The following ZBTB7A variants were observed in gnomAD, a reference collection of about 807,000 sequenced individuals.
ZBTB7A encodes zinc finger and BTB domain containing 7A, also known as zinc finger and BTB domain-containing protein 7A.
ZBTB7A carries 7 observed loss-of-function variants against 26.7 expected under a neutral mutation model. That is an observed-to-expected ratio of 0.26 (90% CI 0.15 to 0.49). The LOEUF (loss-of-function observed/expected upper bound fraction) is 0.49, where lower values mean the gene tolerates loss of function less well. Among genes scored for constraint, ZBTB7A ranks in the 20% least tolerant of loss-of-function variants. The probability of loss-of-function intolerance (pLI) is 0.98; values close to 1 mark genes in which losing one functional copy is unlikely to be tolerated. For missense variants in ZBTB7A, 617 were observed against 919.5 expected (o/e 0.67, Z 4.25); for synonymous variants, 452 against 441.0 (o/e 1.02, Z -0.31).
At chr19:4,065,365 CGCAGCG>C (rs2040684077) in intron 1 of ZBTB7A, 5 of 145,178 alleles carry the variant, frequency 3.4e-5, no homozygotes, top group Non-Finnish European at 7.7e-5. Flanking sequence ...CCGCCCCGGC[CGCAGCG>C]CGCGGCCCCC....
At position 4,045,626 on chromosome 19, in the gene ZBTB7A, CG is replaced by C; in HGVS notation, c.*2125del. The stretch of plus-strand genomic sequence containing the variant: ...CACAGAGAAGGGGGTATGGGGGGGT[CG>C]GGGGCAGGGAGACACCCCCCCGCCG... On this transcript the variant is annotated 3_prime_UTR_variant, in exon 3 of 3. Transcript: ENST00000322357. This position sits in a 1 kb window ranked among gnomAD's most constrained non-coding sequence, Gnocchi z 4.1. 1.6e-5 allele frequency: 5 copies of C among 304,658 alleles called. No individual in the cohort carries two copies. Among genetic ancestry groups the C allele is most frequent in the Middle Eastern group, 7.9e-4 (1 of 1,266 alleles). 18.9% of individuals were successfully genotyped at this position (304,658 alleles called of 1,614,324 possible).
rs1321846053 is a variant in ZBTB7A at position 4,053,150 on chromosome 19, G to A, written c.1262+821C>T. On this transcript the variant is annotated intron_variant, in intron 2 of 2. Coordinates refer to ENST00000322357, the MANE Select transcript of ZBTB7A (RefSeq NM_015898.4). ...AGAGAAGAACCAGCCCTCCAGGAAGGAAGAACGACTGTGCCTTCCCGCCCA... is the reference window on the plus strand; with the variant it reads ...AGAGAAGAACCAGCCCTCCAGGAAGAAAGAACGACTGTGCCTTCCCGCCCA... Among the ~76,000 whole-genome samples the A allele has an allele frequency of 2.0e-5, 3 of 152,198 alleles. No homozygotes were observed. In the East Asian group the frequency reaches 5.8e-4, roughly 29 times the overall value.
intron 1 of ZBTB7A, among the ~76,000 whole-genome samples, chr19:4,064,131 A>G (rs565483492): frequency 6.6e-6 from 1 of 152,312 alleles, no homozygotes; most frequent in East Asian, 1.9e-4. Context: ...GGACCCATCC[A>G]CTGCCTGCGG....
At chr19:4,066,073 C>A (rs2040693230) in intron 1 of ZBTB7A, among the ~76,000 whole-genome samples, 1 of 150,584 alleles carries the variant, frequency 6.6e-6, no homozygotes, top group East Asian at 2.0e-4. Flanking sequence ...CCGCTTGCCA[C>A]CTGCCGGCTG....
intron 1 of ZBTB7A, among the ~76,000 whole-genome samples, chr19:4,059,489 G>A (rs753037807): frequency 1.3e-5 from 2 of 152,156 alleles, no homozygotes; most frequent in Non-Finnish European, 2.9e-5. Flanking sequence ...CCGGGGTGAT[G>A]TCAGCCAAGG....
intron 1 of ZBTB7A, among the ~76,000 whole-genome samples, chr19:4,058,302 C>T (rs1033977699): frequency 2.0e-5 from 3 of 152,236 alleles, no homozygotes; most frequent in African/African-American, 7.2e-5. Flanking sequence ...CTCTCAGCCA[C>T]CCCAGCTGAG....
chr19:4,048,671 A>G lies in ZBTB7A; in HGVS notation c.1263-427T>C, dbSNP rs2040455903. Among the ~76,000 whole-genome samples the G allele has an allele frequency of 7.0e-6, 1 of 142,342 alleles. No individual in the cohort carries two copies. 93.4% of individuals were successfully genotyped at this position (142,342 alleles called of 152,430 possible). A position where few individuals can be genotyped will look rare whatever the true frequency, so the allele number is the denominator to read the frequency against. On this transcript the variant is annotated intron_variant, in intron 2 of 2. Coordinates refer to ENST00000322357, the MANE Select transcript of ZBTB7A (RefSeq NM_015898.4). This position sits in a 1 kb window ranked among gnomAD's most constrained non-coding sequence, Gnocchi z 6.7. ...CACGGTGAAACCCTGTCTCTACTAA[A>G]AAAACAAAAAACAAAAAAACAAAAA... is the stretch of plus-strand genomic sequence containing the variant.
intron 1 of ZBTB7A, among the ~76,000 whole-genome samples, chr19:4,058,232 C>T (rs2040602595): frequency 6.6e-6 from 1 of 152,194 alleles, no homozygotes; most frequent in Non-Finnish European, 1.5e-5. Flanking sequence ...AGCAGGGAGC[C>T]GGGGGAACCC....
At chr19:4,059,977 A>T (rs1455021654) in intron 1 of ZBTB7A, among the ~76,000 whole-genome samples, 1 of 151,906 alleles carries the variant, frequency 6.6e-6, no homozygotes, top group African/African-American at 2.4e-5. Context: ...TCCTCCAGGA[A>T]GCCCCGGCCC....
rs370788752 is a variant in ZBTB7A, at chr19:4,043,520, C to G, written c.*4232G>C. Among the ~76,000 whole-genome samples the G allele has an allele frequency of 6.6e-5, 10 of 150,554 alleles. No homozygotes were observed. In the South Asian group the frequency reaches 2.1e-3, roughly 32 times the overall value. ...TCAATACAGTCTCTGGAATGTCTAT[C>G]TGTCTGTGCTCTGTACCCTGAGGGC... is the stretch of plus-strand genomic sequence containing the variant. On this transcript the variant is annotated 3_prime_UTR_variant, in exon 3 of 3. Coordinates refer to ENST00000322357, the MANE Select transcript of ZBTB7A (RefSeq NM_015898.4).
rs982734923 is a variant in ZBTB7A at position 4,048,317 on chromosome 19, G to A, written c.1263-73C>T. Reference sequence around the variant, plus strand: ...CCGATCCCCGCCCAGGGACCCTCACGGACACGGCAGGCCCTGGATCATCAC... The same window carrying A: ...CCGATCCCCGCCCAGGGACCCTCACAGACACGGCAGGCCCTGGATCATCAC... On this transcript the variant is annotated intron_variant, in intron 2 of 2. Coordinates refer to ENST00000322357, the MANE Select transcript of ZBTB7A (RefSeq NM_015898.4). This position sits in a 1 kb window ranked among gnomAD's most constrained non-coding sequence, Gnocchi z 6.7. 9 of 1,466,172 alleles carry A rather than the reference G, an allele frequency of 6.1e-6. No homozygotes were observed. In the Admixed American group the frequency reaches 8.4e-5, roughly 14 times the overall value. The allele number at this position is 1,466,172 out of a possible 1,614,324, so 90.8% of individuals were successfully genotyped here. A position where few individuals can be genotyped will look rare whatever the true frequency, so the allele number is the denominator to read the frequency against.
intron 2 of ZBTB7A, among the ~76,000 whole-genome samples, chr19:4,053,555 G>A (rs564088874): frequency 1.3e-4 from 20 of 151,248 alleles, no homozygotes; most frequent in African/African-American, 4.9e-4. Flanking sequence ...TGTGTATGTG[G>A]TGTGCGTGTG....
rs1599241638 is a variant in ZBTB7A at position 4,043,716 on chromosome 19, C to A, written c.*4036G>T. ...TCCCTGGCCCCCTCCACCCCCTGGG[C>A]CCGGCCCCCCCCCCCCCCCCCCGTA... On this transcript the variant is annotated 3_prime_UTR_variant, in exon 3 of 3. Coordinates refer to ENST00000322357, the MANE Select transcript of ZBTB7A (RefSeq NM_015898.4). Among the ~76,000 whole-genome samples the A allele has an allele frequency of 2.5e-5, 1 of 39,524 alleles. No homozygotes were observed. The highest frequency in any genetic ancestry group is 1.3e-4 in the African/African-American group (1 of 7,828). The allele number at this position is 39,524 out of a possible 152,430, so 25.9% of individuals were successfully genotyped here.
chr19:4,065,821 G>A (rs1264152537), intron 1 of ZBTB7A: 1 of 141,838 alleles, frequency 7.1e-6, no homozygotes. Flanking sequence ...CCGGGGCGGG[G>A]AGGGGGCCGG....
intron 1 of ZBTB7A, among the ~76,000 whole-genome samples, chr19:4,057,049 A>G (rs977385909): frequency 7.4e-5 from 11 of 149,604 alleles, no homozygotes; most frequent in African/African-American, 2.5e-4. Flanking sequence ...AAAGAAAAAG[A>G]AAAAGAAAAA....
chr19:4,051,599 A>G (rs1483776731), intron 2 of ZBTB7A, among the ~76,000 whole-genome samples: 2 of 152,222 alleles, frequency 1.3e-5, no homozygotes, highest in East Asian at 3.9e-4. Flanking sequence ...GAACGTGGTA[A>G]CTTGCTAACA....
At chr19:4,049,368 G>A (rs2040472763) in intron 2 of ZBTB7A, among the ~76,000 whole-genome samples, 1 of 150,414 alleles carries the variant, frequency 6.6e-6, no homozygotes, top group African/African-American at 2.4e-5. Flanking sequence ...GAAGGAGACA[G>A]TGGGCTTCTG....
rs922759149 is a variant in ZBTB7A, at chr19:4,052,469, C to T, written c.1262+1502G>A. ...CACTCCTGGGCGCCGGAGTCCAGGC[C>T]GCACCTTCCTCTCCTGGCCTGCTGG... On this transcript the variant is annotated intron_variant, in intron 2 of 2. Coordinates refer to ENST00000322357, the MANE Select transcript of ZBTB7A (RefSeq NM_015898.4). The surrounding 1 kb of genome is among the most constrained non-coding windows in gnomAD (Gnocchi z 4.9). Among the ~76,000 whole-genome samples, 15 of 152,042 alleles carry T rather than the reference C, an allele frequency of 9.9e-5. No homozygotes were observed. The highest frequency in any genetic ancestry group is 2.2e-4 in the African/African-American group (9 of 41,394).
In ZBTB7A at chr19:4,048,252, C is replaced by CGGGGCACGGGG. The variant is rs772031516; in HGVS notation, c.1263-19_1263-9dup. 2.0e-5 allele frequency: 32 copies of CGGGGCACGGGG among 1,576,106 alleles called. No individual in the cohort carries two copies. The highest frequency in any genetic ancestry group is 2.7e-5 in the Non-Finnish European group (31 of 1,168,166). On this transcript the variant is annotated splice_polypyrimidine_tract_variant and intron_variant, in intron 2 of 2. Coordinates refer to ENST00000322357, the MANE Select transcript of ZBTB7A (RefSeq NM_015898.4). This position sits in a 1 kb window ranked among gnomAD's most constrained non-coding sequence, Gnocchi z 6.7. ...ACCTTCAGCTTGTCCTGCCTGTGGA[C>CGGGGCACGGGG]GGGGCACGGGGCGGGCACGGTCAGT...
Sources: allele counts gnomAD v4.1 joint callset (sites outside exome capture counted in the v4.1 genomes callset), GRCh38; gene constraint gnomAD v4.1.1; non-coding constraint Gnocchi (gnomAD v3.1); transcripts MANE v1.5; gene names NCBI Gene and HGNC (gene_info 2026-07-23, HGNC 2026-07-21).